The following MAN2A1 variants were observed in gnomAD, a reference collection of about 807,000 sequenced individuals.
MAN2A1 encodes the protein alpha-mannosidase 2.
Under a neutral mutation model 142.6 loss-of-function variants are expected in MAN2A1, and 76 were observed. The ratio of observed to expected loss-of-function variants is 0.53; its 90% CI spans 0.44 to 0.65. MAN2A1 has a LOEUF of 0.65. Among genes scored for constraint, MAN2A1 ranks in the 30% least tolerant of loss-of-function variants. The probability of loss-of-function intolerance (pLI) is 0.00; values close to 1 mark genes in which losing one functional copy is unlikely to be tolerated. For synonymous variants in MAN2A1, 559 were observed against 473.2 expected, an observed-to-expected ratio of 1.18 and a Z score of -2.35; for missense variants, 1,311 against 1,365.1, an observed-to-expected ratio of 0.96 and a Z score of 0.62.
chr5:109,692,555 G>T (rs1281701419), intron 1 of MAN2A1, among the ~76,000 whole-genome samples: 2 of 152,060 alleles, frequency 1.3e-5, no homozygotes, highest in East Asian at 3.9e-4. Flanking sequence ...ACTGAGGCAC[G>T]GAGAGATTAA....
At chr5:109,746,692 C>G (rs1354687047) in intron 4 of MAN2A1, among the ~76,000 whole-genome samples, 1 of 150,892 alleles carries the variant, frequency 6.6e-6, no homozygotes, top group African/African-American at 2.4e-5. Flanking sequence ...CATCATTGTG[C>G]AGCTGTTACT....
At chr5:109,708,974 C>T (rs1751218923) in intron 1 of MAN2A1, among the ~76,000 whole-genome samples, 1 of 152,204 alleles carries the variant, frequency 6.6e-6, no homozygotes. Flanking sequence ...CACAGATACA[C>T]CTGGGGCAGC....
intron 8 of MAN2A1, among the ~76,000 whole-genome samples, chr5:109,778,996 A>G (rs930210878): frequency 3.3e-5 from 5 of 152,160 alleles, no homozygotes; most frequent in Admixed American, 2.6e-4. Flanking sequence ...TACATTTAAG[A>G]TTAAAGTTGT....
rs771480811 is a variant in MAN2A1 at position 109,846,004 on chromosome 5, G to A, written c.2840G>A (p.Ser947Asn). Reference protein sequence around the residue: ...AQSLGVSSLNSGQIEVIMDRR... With the variant: ...AQSLGVSSLNNGQIEVIMDRR... Reference sequence around the variant, plus strand: ...TCATTAGGGGTTTCGAGTTTGAATAGTGGTATGTATTGCTTACACTCTTTT... The same window carrying A: ...TCATTAGGGGTTTCGAGTTTGAATAATGGTATGTATTGCTTACACTCTTTT... Residue 947 changes from serine (S) to asparagine (N), a missense_variant and splice_region_variant, in exon 18 of 22, where the codon AGT becomes AAT. This residue lies in a region of MAN2A1 where 890 missense variants were observed against 920.5 expected (regional missense o/e 0.97). Coordinates refer to ENST00000261483, the MANE Select transcript of MAN2A1 (RefSeq NM_002372.4). 1 of 1,611,254 alleles carries A rather than the reference G, an allele frequency of 6.2e-7. No homozygotes were observed. Among genetic ancestry groups the A allele is most frequent in the East Asian group, 2.2e-5 (1 of 44,718 alleles).
At chr5:109,788,217 A>AG (rs1446757131) in intron 10 of MAN2A1, among the ~76,000 whole-genome samples, 3 of 69,344 alleles carry the variant, frequency 4.3e-5, no homozygotes, top group African/African-American at 3.5e-4. Flanking sequence ...TAACTGAATT[A>AG]GGAAAAAAAA....
intron 1 of MAN2A1, among the ~76,000 whole-genome samples, chr5:109,708,219 C>G (rs990661912): frequency 1.3e-5 from 2 of 151,912 alleles, no homozygotes; most frequent in African/African-American, 4.8e-5. Context: ...AAGGAGTGCT[C>G]CATTGTGCCT....
chr5:109,854,833 G>A (rs2112772735), intron 19 of MAN2A1: 1 of 207,580 alleles, frequency 4.8e-6, no homozygotes, highest in African/African-American at 2.3e-5. Context: ...GTGATAGGTT[G>A]AGAATTTTCA....
rs370785815 is a variant in MAN2A1, at chr5:109,738,720, C to A, written c.707+9207C>A. 6.6e-5 allele frequency among the ~76,000 whole-genome samples: 10 copies of A among 152,262 alleles called. No individual in the cohort carries two copies. In the East Asian group the frequency reaches 7.7e-4, roughly 12 times the overall value. ...ACAACATGCTTAGCACAATGCCTGGCACATTTTAAAACCCCAATAAACATT... is the reference window on the plus strand; with the variant it reads ...ACAACATGCTTAGCACAATGCCTGGAACATTTTAAAACCCCAATAAACATT... On this transcript the variant is annotated intron_variant, in intron 4 of 21. Coordinates refer to ENST00000261483, the MANE Select transcript of MAN2A1 (RefSeq NM_002372.4).
chr5:109,821,594 A>G (rs1376766674), intron 15 of MAN2A1, among the ~76,000 whole-genome samples: 2 of 152,206 alleles, frequency 1.3e-5, no homozygotes, highest in Non-Finnish European at 2.9e-5. Flanking sequence ...AGAATTGGCC[A>G]TATTACAAGC....
intron 16 of MAN2A1, among the ~76,000 whole-genome samples, chr5:109,827,125 C>T (rs915418538): frequency 1.3e-5 from 2 of 152,090 alleles, no homozygotes; most frequent in East Asian, 3.8e-4. Context: ...TTGTTAGTAC[C>T]AGATTTTCAA....
chr5:109,849,857 A>G (rs542731989), intron 19 of MAN2A1, among the ~76,000 whole-genome samples: 11 of 152,194 alleles, frequency 7.2e-5, no homozygotes, highest in Middle Eastern at 3.4e-3. Context: ...TCCCCTAGGC[A>G]TTGGCATTGG....
intron 2 of MAN2A1, among the ~76,000 whole-genome samples, 162 bp downstream of exon 2, chr5:109,713,936 C>T (rs889417323): frequency 6.6e-6 from 1 of 151,380 alleles, no homozygotes; most frequent in African/African-American, 2.4e-5. Context: ...CATTAATGTT[C>T]TGTTTAGTGA....
intron 17 of MAN2A1, among the ~76,000 whole-genome samples, chr5:109,845,205 A>T (rs9326784): frequency 1.3e-5 from 2 of 152,134 alleles, no homozygotes; most frequent in Non-Finnish European, 2.9e-5. Flanking sequence ...GCTTAGAGTC[A>T]GTCACTGTGA....
In MAN2A1 at chr5:109,868,780, G is replaced by A. The variant is rs529747736; in HGVS notation, c.*1782G>A. ...AAAAAAGAAAAAGGACTTCCTTTTTGTGGACATCTACAGATGTTAGGGTTG... is the reference window on the plus strand; with the variant it reads ...AAAAAAGAAAAAGGACTTCCTTTTTATGGACATCTACAGATGTTAGGGTTG... On this transcript the variant is annotated 3_prime_UTR_variant, in exon 22 of 22. Coordinates refer to ENST00000261483, the MANE Select transcript of MAN2A1 (RefSeq NM_002372.4). 1.3e-5 allele frequency: 2 copies of A among 152,252 alleles called. No homozygotes were observed. The highest frequency in any genetic ancestry group is 4.1e-4 in the South Asian group (2 of 4,820). 9.4% of individuals were successfully genotyped at this position (152,252 alleles called of 1,614,324 possible). A position where few individuals can be genotyped will look rare whatever the true frequency, so the allele number is the denominator to read the frequency against.
chr5:109,807,060 G>A (rs1221028206), intron 12 of MAN2A1, among the ~76,000 whole-genome samples: 2 of 152,036 alleles, frequency 1.3e-5, no homozygotes, highest in East Asian at 3.9e-4. Context: ...TCTTGTAAGA[G>A]CAGGCCATAT....
chr5:109,702,224 G>A (rs753261468), intron 1 of MAN2A1, among the ~76,000 whole-genome samples: 5 of 152,080 alleles, frequency 3.3e-5, no homozygotes, highest in African/African-American at 4.8e-5. Flanking sequence ...TCAAAGAAGC[G>A]TTTTAGTAGA....
chr5:109,733,301 T>C (rs563048219), intron 4 of MAN2A1, among the ~76,000 whole-genome samples: 1 of 152,354 alleles, frequency 6.6e-6, no homozygotes, highest in African/African-American at 2.4e-5. Context: ...AATCATGTCG[T>C]CTGCAAACAG....
At chr5:109,798,564 A>T (rs1753925463) in intron 12 of MAN2A1, among the ~76,000 whole-genome samples, 1 of 152,204 alleles carries the variant, frequency 6.6e-6, no homozygotes, top group Non-Finnish European at 1.5e-5. Flanking sequence ...TCACTCTCAA[A>T]ATTAGTTTGG....
chr5:109,724,798 T>C (rs2112577209), intron 3 of MAN2A1, among the ~76,000 whole-genome samples: 1 of 152,262 alleles, frequency 6.6e-6, no homozygotes, highest in Admixed American at 6.5e-5. Flanking sequence ...ATCTTAGGGC[T>C]CACAGATCCT....
Sources: gnomAD v4.1 joint callset for allele counts (sites outside exome capture counted in the v4.1 genomes callset) on GRCh38, gnomAD v4.1.1 for gene constraint, gnomAD v4.1.1 regional missense constraint, MANE v1.5 for transcripts, NCBI Gene and HGNC (gene_info 2026-07-23, HGNC 2026-07-21) for gene names.